RNF213: variants seen among roughly 807,000 people sequenced by gnomAD.
RNF213 encodes ring finger protein 213.
A neutral mutation model predicts 514.4 loss-of-function variants in RNF213; 341 were observed. The observed-to-expected ratio is 0.66, with a 90% CI of 0.61 to 0.73. RNF213 has a LOEUF of 0.73. Ranked by LOEUF, RNF213 falls within the 30% of genes least tolerant of loss-of-function variation. The pLI, the probability that RNF213 is intolerant of heterozygous loss-of-function variation, is 0.00. For synonymous variants in RNF213, 2,655 were observed against 2,658.2 expected, an observed-to-expected ratio of 1.00 and a Z score of 0.04; for missense variants, 5,767 against 6,615.6, an observed-to-expected ratio of 0.87 and a Z score of 4.45.
chr17:80,282,433 C>T (rs1450127018), intron 3 of RNF213, among the ~76,000 whole-genome samples: 1 of 152,180 alleles, frequency 6.6e-6, no homozygotes, highest in East Asian at 1.9e-4. Context: ...GAGTCTCACT[C>T]TGTCGCCCAG....
intron 17 of RNF213, among the ~76,000 whole-genome samples, chr17:80,321,908 T>A (rs2046148748): frequency 6.6e-6 from 1 of 151,264 alleles, no homozygotes; most frequent in Admixed American, 6.6e-5. Context: ...GTATTTTTGG[T>A]AGAGACGGGG....
At chr17:80,323,478 G>A (rs1272175793) in intron 17 of RNF213, among the ~76,000 whole-genome samples, 1 of 152,144 alleles carries the variant, frequency 6.6e-6, no homozygotes, top group East Asian at 1.9e-4. Context: ...GATCAGTTTG[G>A]AGAGCATTGC....
At position 80,382,984 on chromosome 17, in the gene RNF213, T is replaced by C. The variant is rs1007055019; in HGVS notation, c.13984T>C (p.Leu4662=). 1.2e-6 allele frequency: 2 copies of C among 1,612,942 alleles called. No individual in the cohort carries two copies. The highest frequency in any genetic ancestry group is 2.7e-5 in the African/African-American group (2 of 75,026). ...CATTTGGAGTTTTTTTGTAGGGCTT[T>C]TAAATTTTGACACAGAATTGTCAAC... The part of the protein sequence containing the change: ...EQHQLSSRRL[L]NFDTELSTKE... The change falls in exon 58 of 68, where the codon TTA becomes CTA. Residue 4662 remains leucine (L), a synonymous_variant. Coordinates refer to ENST00000582970, the MANE Select transcript of RNF213 (RefSeq NM_001256071.3).
intron 49 of RNF213, among the ~76,000 whole-genome samples, chr17:80,373,735 A>G (rs1235043057): frequency 6.6e-6 from 1 of 152,054 alleles, no homozygotes; most frequent in African/African-American, 2.4e-5. Flanking sequence ...AGTGGCTCTC[A>G]CCTGTAATTC....
intron 56 of RNF213, chr17:80,381,332 A>G (rs1304838351): frequency 1.6e-6 from 1 of 636,374 alleles, no homozygotes; most frequent in African/African-American, 1.8e-5. Context: ...CCAACAGTAC[A>G]ATCTGGATAT....
rs377419916 is a variant in RNF213 at position 80,364,500 on chromosome 17, C to T, written c.11818C>T (p.Arg3940Cys). 15 of 1,614,046 alleles carry T rather than the reference C, an allele frequency of 9.3e-6. No homozygotes were observed. The highest frequency in any genetic ancestry group is 4.5e-5 in the East Asian group (2 of 44,896). ...GCACGTGCTCCTAGGAACCGAGAGC[C>T]GCGTCCCCGAGTTACAGGGGCTGGT... is the stretch of plus-strand genomic sequence containing the variant. ...VEHVLLGTES[R>C]VPELQGLVTE... The change falls in exon 42 of 68, where the codon CGC becomes TGC. Residue 3940 changes from arginine to cysteine, a missense_variant. By Grantham distance (180) the Arg-to-Cys change is radical. Coordinates refer to ENST00000582970, the MANE Select transcript of RNF213 (RefSeq NM_001256071.3).
At position 80,294,877 on chromosome 17, in the gene RNF213, C is replaced by G. The variant is rs2044876528; in HGVS notation, c.1629C>G (p.Thr543=). Reference sequence around the variant, plus strand: ...ACAGCACCTTCAGCATCCTGCAGACCTGGGACACCATCAACCTGAACAGCT... The same window carrying G: ...ACAGCACCTTCAGCATCCTGCAGACGTGGGACACCATCAACCTGAACAGCT... ...MLDSTFSILQ[T]WDTINLNSFF... Residue 543 remains threonine (T), a synonymous_variant, in exon 9 of 68, where the codon ACC becomes ACG. Transcript: ENST00000582970. 1 of 1,614,218 alleles carries G rather than the reference C, an allele frequency of 6.2e-7. No homozygotes were observed.
rs1302067282 is a variant in RNF213 at position 80,288,011 on chromosome 17, C to G, written c.458C>G (p.Thr153Arg). 1 of 1,593,008 alleles carries G rather than the reference C, an allele frequency of 6.3e-7. No homozygotes were observed. Among genetic ancestry groups the G allele is most frequent in the Non-Finnish European group, 8.5e-7 (1 of 1,170,222 alleles). Residue 153 changes from threonine (T) to arginine (R), a missense_variant, in exon 4 of 68, where the codon ACA (threonine) becomes AGA (arginine). Physicochemically the swap from Thr to Arg is moderately conservative, Grantham distance 71 (BLOSUM62 -1). Around this residue, in one of 13 missense-constraint regions of RNF213, gnomAD observed 509 missense variants for 496.7 expected, o/e 1.02. Transcript: ENST00000582970. This position sits in a 1 kb window ranked among gnomAD's most constrained non-coding sequence, Gnocchi z 4.9. ...GGCCAGCCGAGCCAGCCCCCAGGCA[C>G]AGCCACCACGCCACTGGAGGGTGAC... ...PTGQPSQPPG[T>R]ATTPLEGDGL...
chr17:80,283,472 C>T (rs1028623843), intron 3 of RNF213, among the ~76,000 whole-genome samples: 1 of 152,218 alleles, frequency 6.6e-6, no homozygotes, highest in Admixed American at 6.5e-5. Context: ...TCTGCGCTTA[C>T]TGCAGTCTTT....
chr17:80,374,402 G>C, intron 49 of RNF213, 56 bp from the exon 50 acceptor site: 2 of 1,611,598 alleles, frequency 1.2e-6, no homozygotes, highest in Non-Finnish European at 1.7e-6. Flanking sequence ...CGTTCAGACG[G>C]TTCTTTGCAA....
intron 10 of RNF213, 32 bp from the exon 11 acceptor site, chr17:80,298,289 C>A: frequency 1.2e-6 from 2 of 1,610,602 alleles, no homozygotes; most frequent in South Asian, 2.2e-5. Flanking sequence ...CTGGCCAGCT[C>A]AGCTCACTGC....
rs755237757 is a variant in RNF213, at chr17:80,288,187, G to C, written c.634G>C (p.Gly212Arg). 3.1e-6 allele frequency: 5 copies of C among 1,612,488 alleles called. No individual in the cohort carries two copies. In the Admixed American group the frequency reaches 6.7e-5, roughly 22 times the overall value. Reference protein sequence around the residue: ...GEDQDASIPSGGRGLSQEGTG... With the variant: ...GEDQDASIPSRGRGLSQEGTG... ...GGACCAGGACGCTTCCATCCCCTCT[G>C]GGGGCAGAGGCCTGTCCCAGGAGGG... Residue 212 changes from glycine (G) to arginine (R), a missense_variant, in exon 4 of 68, where the codon GGG (glycine) becomes CGG (arginine). By Grantham distance (125) the Gly-to-Arg change is moderately radical. Around this residue, in one of 13 missense-constraint regions of RNF213, gnomAD observed 509 missense variants for 496.7 expected, o/e 1.02. Transcript: ENST00000582970. This position sits in a 1 kb window ranked among gnomAD's most constrained non-coding sequence, Gnocchi z 4.9.
In RNF213 at chr17:80,313,701, ATGGTGGTGATGGAGG is replaced by A. The variant is rs1352314748; in HGVS notation, c.2811+543_2811+557del. ...GGAGGTGATGGTGGTGGTGAAGGGG[ATGGTGGTGATGGAGG>A]TGGTGGTGGTGGAGGTGACAATGGT... On this transcript the variant is annotated intron_variant, in intron 15 of 67. Coordinates refer to ENST00000582970, the MANE Select transcript of RNF213 (RefSeq NM_001256071.3). Among the ~76,000 whole-genome samples the A allele has an allele frequency of 4.3e-3, 285 of 66,462 alleles. 1 individual carries two copies. The highest frequency in any genetic ancestry group is 0.015 in the African/African-American group (260 of 17,774). 43.6% of individuals were successfully genotyped at this position (66,462 alleles called of 152,430 possible). A position where few individuals can be genotyped will look rare whatever the true frequency, so the allele number is the denominator to read the frequency against.
rs1598987099 is a variant in RNF213 at position 80,313,139 on chromosome 17, C to T, written c.2783C>T (p.Ala928Val). The change falls in exon 15 of 68, where the codon GCC becomes GTC. Residue 928 changes from alanine (A) to valine (V), a missense_variant. Physicochemically the swap from Ala to Val is moderately conservative, Grantham distance 64. This residue lies in a region of RNF213 where 592 missense variants were observed against 673.9 expected (regional missense o/e 0.88). Coordinates refer to ENST00000582970, the MANE Select transcript of RNF213 (RefSeq NM_001256071.3). ...FTKNMLTSSG[A>V]SFTYVKEIEV... The stretch of plus-strand genomic sequence containing the variant: ...AAGAACATGCTCACATCTTCAGGTG[C>T]CTCATTCACATACGTCAAGGAAATT... 2 of 1,614,150 alleles carry T rather than the reference C, an allele frequency of 1.2e-6. No individual in the cohort carries two copies. Among genetic ancestry groups the T allele is most frequent in the Non-Finnish European group, 1.7e-6 (2 of 1,180,048 alleles).
rs373676083 is a variant in RNF213 at position 80,389,864 on chromosome 17, C to T, written c.15232C>T (p.Leu5078Phe). 8 of 1,614,198 alleles carry T rather than the reference C, an allele frequency of 5.0e-6. No individual in the cohort carries two copies. Among genetic ancestry groups the T allele is most frequent in the Non-Finnish European group, 6.8e-6 (8 of 1,180,040 alleles). Residue 5078 changes from leucine to phenylalanine, a missense_variant, in exon 66 of 68, where the codon CTC becomes TTC. This residue lies in a region of RNF213 where 1,245 missense variants were observed against 1,339.0 expected (regional missense o/e 0.93). Coordinates refer to ENST00000582970, the MANE Select transcript of RNF213 (RefSeq NM_001256071.3). ...ATGCCAGTTAAAACACACCATTGCC[C>T]TCTGGCAGTTCCTGTCTGCTCATAA... ...NRCQLKHTIA[L>F]WQFLSAHKSE... is the part of the protein sequence containing the mutation.
rs776564963 is a variant in RNF213 at position 80,288,678 on chromosome 17, G to A, written c.856G>A (p.Gly286Arg). The change falls in exon 5 of 68, where the codon GGG (glycine) becomes AGG (arginine). Residue 286 changes from glycine (G) to arginine (R), a missense_variant. This residue lies in a region of RNF213 where 509 missense variants were observed against 496.7 expected (regional missense o/e 1.02). Transcript: ENST00000582970. The surrounding 1 kb of genome is among the most constrained non-coding windows in gnomAD (Gnocchi z 4.9). Reference sequence around the variant, plus strand: ...GCCAGCCAATGCAGTTAAAGGGGCCGGGAAGGAAATGAAAGAGAAGACCCA... The same window carrying A: ...GCCAGCCAATGCAGTTAAAGGGGCCAGGAAGGAAATGAAAGAGAAGACCCA... ...AEPANAVKGA[G>R]KEMKEKTQRM... The A allele has an allele frequency of 1.4e-5, 22 of 1,614,054 alleles. No individual in the cohort carries two copies. Among genetic ancestry groups the A allele is most frequent in the East Asian group, 8.9e-5 (4 of 44,896 alleles).
At chr17:80,328,888 G>A (rs1599033864) in intron 20 of RNF213, among the ~76,000 whole-genome samples, 1 of 152,190 alleles carries the variant, frequency 6.6e-6, no homozygotes, top group South Asian at 2.1e-4. Flanking sequence ...AGTGAACCAC[G>A]AAAGAAACCG....
chr17:80,369,802 C>CA lies in RNF213; in HGVS notation c.12362dup (p.Asn4121LysfsTer2). On this transcript the variant is annotated frameshift_variant, in exon 46 of 68. Transcript: ENST00000582970. LOFTEE classifies it high-confidence loss of function. ...AACACACAAAATCTCTCTCTCCATTCAATGATGTTGTGGATAAGACTCCTG... is the reference window on the plus strand; with the variant it reads ...AACACACAAAATCTCTCTCTCCATTCAAATGATGTTGTGGATAAGACTCCTG... 6.2e-7 allele frequency: 1 copy of CA among 1,613,918 alleles called. No homozygotes were observed. Among genetic ancestry groups the CA allele is most frequent in the South Asian group, 1.1e-5 (1 of 91,068 alleles).
At chr17:80,310,997 A>G (rs1035457910) in intron 14 of RNF213, among the ~76,000 whole-genome samples, 1 of 152,230 alleles carries the variant, frequency 6.6e-6, no homozygotes, top group Non-Finnish European at 1.5e-5. Flanking sequence ...CATTGGTGAG[A>G]TGATCACGTT....
Sources: gnomAD v4.1 joint callset for allele counts (sites outside exome capture counted in the v4.1 genomes callset) on GRCh38, gnomAD v4.1.1 for gene constraint, gnomAD v4.1.1 regional missense constraint, Gnocchi (gnomAD v3.1) non-coding constraint, MANE v1.5 for transcripts, NCBI Gene and HGNC (gene_info 2026-07-23, HGNC 2026-07-21) for gene names.